DDX43: variants seen among roughly 807,000 people sequenced by gnomAD.
DDX43 encodes probable ATP-dependent RNA helicase DDX43.
DDX43 carries 50 observed loss-of-function variants against 84.9 expected under a neutral mutation model. That is an observed-to-expected ratio of 0.59 (90% CI 0.47 to 0.75). The LOEUF (loss-of-function observed/expected upper bound fraction) is 0.75, where lower values mean the gene tolerates loss of function less well. Among genes scored for constraint, DDX43 ranks in the 30% least tolerant of loss-of-function variants. The pLI is 0.00. For synonymous variants in DDX43, 291 were observed against 266.3 expected (o/e 1.09, Z -0.90); for missense variants, 689 against 798.6 (o/e 0.86, Z 1.65).
intron 16 of DDX43, among the ~76,000 whole-genome samples, chr6:73,416,537 A>T (rs1395337217): frequency 6.6e-6 from 1 of 152,200 alleles, no homozygotes; most frequent in Non-Finnish European, 1.5e-5. Flanking sequence ...ATTCAGCCCT[A>T]AAAAGGAAGA....
At position 73,409,208 on chromosome 6, in the gene DDX43, C is replaced by T. The variant is rs571522281; in HGVS notation, c.1180-40C>T. On this transcript the variant is annotated intron_variant, in intron 9 of 16. Coordinates refer to ENST00000370336, the MANE Select transcript of DDX43 (RefSeq NM_018665.3). ...AAAGCATATGTATTATTACCTGCCT[C>T]CCATATCTAATCTAACCACATTCTT... 7 of 1,465,460 alleles carry T rather than the reference C, an allele frequency of 4.8e-6. No homozygotes were observed. In the South Asian group the frequency reaches 8.0e-5, roughly 17 times the overall value. 90.8% of individuals were successfully genotyped at this position (1,465,460 alleles called of 1,614,324 possible). A position where few individuals can be genotyped will look rare whatever the true frequency, so the allele number is the denominator to read the frequency against.
At chr6:73,402,123 AG>A in intron 4 of DDX43, 133 bp downstream of exon 4, 1 of 1,115,108 alleles carries the variant, frequency 9.0e-7, no homozygotes, top group African/African-American at 1.6e-5. Context: ...TGCTGCAATT[AG>A]TCCCTAGGTT....
intron 14 of DDX43, 93 bp downstream of exon 14, chr6:73,414,779 T>A: frequency 8.4e-7 from 1 of 1,194,418 alleles, no homozygotes. Context: ...TTTATTCTAT[T>A]ACCTATAATT....
chr6:73,409,273 T>G lies in DDX43; in HGVS notation c.1205T>G (p.Leu402Trp). ...GTTTTAGATGAAGCAGACAAGATGT[T>G]GGACATGGGATTTGAACCCCAGATA... ...YLVLDEADKM[L>W]DMGFEPQIMK... The change falls in exon 10 of 17, where the codon TTG becomes TGG. Residue 402 changes from leucine to tryptophan, a missense_variant. By Grantham distance (61) the Leu-to-Trp change is moderately conservative. Transcript: ENST00000370336. 6.2e-7 allele frequency: 1 copy of G among 1,614,136 alleles called. No individual in the cohort carries two copies.
chr6:73,396,704 CTG>C (rs776901077), intron 1 of DDX43, among the ~76,000 whole-genome samples: 1 of 152,166 alleles, frequency 6.6e-6, no homozygotes, highest in African/African-American at 2.4e-5. Context: ...ATGACTAAAA[CTG>C]TATACTCATT....
intron 5 of DDX43, 63 bp from the exon 6 acceptor site, chr6:73,405,616 T>G: frequency 1.3e-6 from 2 of 1,538,016 alleles, no homozygotes; most frequent in Non-Finnish European, 1.8e-6. Flanking sequence ...GCACTGATTT[T>G]GGAGAATGTC....
At chr6:73,395,852 C>T (rs1291480943) in intron 1 of DDX43, among the ~76,000 whole-genome samples, 1 of 152,028 alleles carries the variant, frequency 6.6e-6, no homozygotes, top group African/African-American at 2.4e-5. Context: ...TGTAGGGCTG[C>T]CTAGAGCAGT....
In DDX43 at chr6:73,416,195, G is replaced by C; in HGVS notation, c.1916G>C (p.Arg639Thr). 10 of 1,597,256 alleles carry C rather than the reference G, an allele frequency of 6.3e-6. No individual in the cohort carries two copies. The highest frequency in any genetic ancestry group is 8.6e-6 in the Non-Finnish European group (10 of 1,164,664). The part of the protein sequence containing the change: ...QKREMERKME[R>T]PQGRPKKFH ...AGGGAAATGGAAAGAAAAATGGAAA[G>C]ACCTCAAGGAAGGCCCAAGAAGTTT... The change falls in exon 16 of 17, where the codon AGA becomes ACA. Residue 639 changes from arginine to threonine, a missense_variant. Arg to Thr is a moderately conservative substitution (Grantham distance 71, BLOSUM62 -1). Coordinates refer to ENST00000370336, the MANE Select transcript of DDX43 (RefSeq NM_018665.3).
At chr6:73,405,928 T>G in intron 6 of DDX43, 93 bp downstream of exon 6, 1 of 1,191,450 alleles carries the variant, frequency 8.4e-7, no homozygotes, top group Non-Finnish European at 1.2e-6. Context: ...GCAACTGTCT[T>G]AGCATTCCAC....
Position 73,397,729 on chromosome 6 carries a change from A to G in DDX43, c.291A>G (p.Thr97=). Residue 97 remains threonine, a synonymous_variant, in exon 2 of 17, where the codon ACA becomes ACG. Coordinates refer to ENST00000370336, the MANE Select transcript of DDX43 (RefSeq NM_018665.3). ...GSKIKNIQST[T]NTTIQIIQEQ... is the part of the protein sequence containing the mutation. ...AAATAAAGAATATACAAAGTACAAC[A>G]AACACCACAATCCAAGTAAGCCATC... 1 of 1,613,940 alleles carries G rather than the reference A, an allele frequency of 6.2e-7. No individual in the cohort carries two copies.
At chr6:73,415,464 T>A in intron 14 of DDX43, 33 bp from the exon 15 acceptor site, 1 of 1,465,950 alleles carries the variant, frequency 6.8e-7, no homozygotes, top group South Asian at 1.2e-5. Flanking sequence ...AACTGAATAA[T>A]GAATACATGA....
chr6:73,414,416 T>C, intron 13 of DDX43, 132 bp from the exon 14 acceptor site: 1 of 863,282 alleles, frequency 1.2e-6, no homozygotes, highest in Non-Finnish European at 1.7e-6. Flanking sequence ...TTTTCCATTT[T>C]CACAAAGTAA....
intron 4 of DDX43, among the ~76,000 whole-genome samples, chr6:73,402,476 C>T (rs1329924944): frequency 3.3e-5 from 5 of 152,160 alleles, no homozygotes; most frequent in Admixed American, 3.3e-4. Context: ...TCTCACTATC[C>T]TGTCCAGGCT....
At chr6:73,408,168 G>T in intron 9 of DDX43, 67 bp downstream of exon 9, 2 of 1,536,916 alleles carry the variant, frequency 1.3e-6, no homozygotes, top group South Asian at 2.3e-5. Flanking sequence ...GGCGCAGTGG[G>T]TCACGCCTGT....
Position 73,416,134 on chromosome 6 carries a change from T to G in DDX43, c.1855T>G (p.Ser619Ala). ...ANQSIPEELVSMAERFKAHQQ... is the reference protein window; with the variant it reads ...ANQSIPEELVAMAERFKAHQQ... ...TCAGAGTATTCCAGAGGAGCTTGTA[T>G]CAATGGCTGAGAGGTTTAAGGCACA... The change falls in exon 16 of 17, where the codon TCA becomes GCA. Residue 619 changes from serine to alanine, a missense_variant. Coordinates refer to ENST00000370336, the MANE Select transcript of DDX43 (RefSeq NM_018665.3). The G allele has an allele frequency of 6.4e-7, 1 of 1,568,268 alleles. No homozygotes were observed. The highest frequency in any genetic ancestry group is 8.8e-7 in the Non-Finnish European group (1 of 1,137,868).
chr6:73,399,418 T>G (rs1250374141), intron 2 of DDX43, among the ~76,000 whole-genome samples: 1 of 152,158 alleles, frequency 6.6e-6, no homozygotes, highest in Non-Finnish European at 1.5e-5. Flanking sequence ...ACCCACTTCC[T>G]GACATACGCT....
intron 4 of DDX43, among the ~76,000 whole-genome samples, chr6:73,403,785 G>A (rs1339777577): frequency 6.6e-6 from 1 of 151,500 alleles, no homozygotes; most frequent in Non-Finnish European, 1.5e-5. Flanking sequence ...AAGTAGTTGG[G>A]ACTACAGGCA....
At chr6:73,415,459 A>T (rs767986021) in intron 14 of DDX43, 38 bp from the exon 15 acceptor site, 13 of 1,425,442 alleles carry the variant, frequency 9.1e-6, no homozygotes, top group Non-Finnish European at 1.1e-5. Flanking sequence ...GTATTAACTG[A>T]ATAATGAATA....
At chr6:73,396,206 C>A (rs930372306) in intron 1 of DDX43, among the ~76,000 whole-genome samples, 1 of 152,122 alleles carries the variant, frequency 6.6e-6, no homozygotes, top group African/African-American at 2.4e-5. Flanking sequence ...CCCACCTCGG[C>A]CTCCCAAAGT....
Sources: gnomAD v4.1 joint callset for allele counts (sites outside exome capture counted in the v4.1 genomes callset) on GRCh38, gnomAD v4.1.1 for gene constraint, MANE v1.5 for transcripts, NCBI Gene and HGNC (gene_info 2026-07-23, HGNC 2026-07-21) for gene names.